ZBTB10: variants seen among roughly 807,000 people sequenced by gnomAD.
The protein encoded by ZBTB10 is zinc finger and BTB domain containing 10.
A neutral mutation model predicts 76.4 loss-of-function variants in ZBTB10; 32 were observed. That is an observed-to-expected ratio of 0.42 (90% confidence interval 0.32 to 0.56). The LOEUF is 0.56. Ranked by LOEUF, ZBTB10 falls within the 20% of genes least tolerant of loss-of-function variation. ZBTB10 has a pLI of 0.14. For synonymous variants in ZBTB10, 523 were observed against 432.9 expected, an observed-to-expected ratio of 1.21 and a Z score of -2.58; for missense variants, 1,057 against 1,098.5, an observed-to-expected ratio of 0.96 and a Z score of 0.53.
At chr8:80,517,202 CTG>C (rs1816345270) in intron 3 of ZBTB10, among the ~76,000 whole-genome samples, 1 of 152,122 alleles carries the variant, frequency 6.6e-6, no homozygotes, top group Admixed American at 6.5e-5. Context: ...TTTAAAGAAT[CTG>C]TGATTTCTCT....
rs1486815997 is a variant in ZBTB10 at position 80,486,365 on chromosome 8, G to C, written c.-446G>C. On this transcript the variant is annotated 5_prime_UTR_variant, in exon 1 of 6. Transcript: ENST00000455036. ...CCTGCGAAGCCGGCGGCGGCGTCGG[G>C]ACTCCTCGGCGCGCGGAGGAAGGAT... 1.3e-5 allele frequency: 13 copies of C among 990,432 alleles called. No individual in the cohort carries two copies. The African/African-American group carries it at 1.8e-4, about 13-fold the overall frequency. 61.4% of individuals were successfully genotyped at this position (990,432 alleles called of 1,614,324 possible). A position where few individuals can be genotyped will look rare whatever the true frequency, so the allele number is the denominator to read the frequency against.
chr8:80,494,867 A>G (rs1815739481), intron 1 of ZBTB10, among the ~76,000 whole-genome samples: 1 of 151,538 alleles, frequency 6.6e-6, no homozygotes, highest in Non-Finnish European at 1.5e-5. Flanking sequence ...TGAGGGTACA[A>G]TAAGCCATGA....
At chr8:80,488,395 A>T (rs1815538872) in intron 1 of ZBTB10, among the ~76,000 whole-genome samples, 1 of 152,222 alleles carries the variant, frequency 6.6e-6, no homozygotes, top group Non-Finnish European at 1.5e-5. Context: ...GAACTTTCTT[A>T]CTACGGCTTG....
chr8:80,505,857 A>G (rs1195362745), intron 2 of ZBTB10, among the ~76,000 whole-genome samples: 4 of 151,318 alleles, frequency 2.6e-5, no homozygotes, highest in African/African-American at 7.3e-5. Flanking sequence ...ACTCTCCCGC[A>G]ATCAGCCACA....
chr8:80,519,541 A>C lies in ZBTB10; in HGVS notation c.*13A>C, dbSNP rs1165590620. Reference sequence around the variant, plus strand: ...TCTAGATGATTAACTGACCTACTATACTCCTCAAGGATGCTGCATTTGGAC... The same window carrying C: ...TCTAGATGATTAACTGACCTACTATCCTCCTCAAGGATGCTGCATTTGGAC... On this transcript the variant is annotated 3_prime_UTR_variant, in exon 6 of 6. Coordinates refer to ENST00000455036, the MANE Select transcript of ZBTB10 (RefSeq NM_001105539.3). 9.4e-6 allele frequency: 15 copies of C among 1,597,770 alleles called. No homozygotes were observed. Among genetic ancestry groups the C allele is most frequent in the Non-Finnish European group, 1.3e-5 (15 of 1,171,412 alleles).
chr8:80,492,062 C>T lies in ZBTB10; in HGVS notation c.972+4280C>T, dbSNP rs6473232. 1.6e-4 allele frequency among the ~76,000 whole-genome samples: 25 copies of T among 152,166 alleles called. No individual in the cohort carries two copies. In the South Asian group the frequency reaches 4.8e-3, roughly 29 times the overall value. Reference sequence around the variant, plus strand: ...GGGCGGAAGGTTGGTTGGTTGGTTACTTGGTTGGTTTTTAACACTTTAGGA... The same window carrying T: ...GGGCGGAAGGTTGGTTGGTTGGTTATTTGGTTGGTTTTTAACACTTTAGGA... On this transcript the variant is annotated intron_variant, in intron 1 of 5. Coordinates refer to ENST00000455036, the MANE Select transcript of ZBTB10 (RefSeq NM_001105539.3).
intron 1 of ZBTB10, among the ~76,000 whole-genome samples, chr8:80,491,337 G>A (rs750585022): frequency 8.5e-5 from 13 of 152,204 alleles, no homozygotes; most frequent in Non-Finnish European, 1.9e-4. Flanking sequence ...TAGCCTAGGT[G>A]TGTAGTAGGT....
At chr8:80,507,539 C>G (rs981774331) in intron 2 of ZBTB10, among the ~76,000 whole-genome samples, 2 of 151,840 alleles carry the variant, frequency 1.3e-5, no homozygotes, top group Non-Finnish European at 2.9e-5. Context: ...GGCTTGAACC[C>G]GGGAGCAGAG....
In ZBTB10 at chr8:80,486,240, C is replaced by T; in HGVS notation, c.-571C>T. 9.7e-7 allele frequency: 1 copy of T among 1,036,030 alleles called. No individual in the cohort carries two copies. The allele number at this position is 1,036,030 out of a possible 1,614,324, so 64.2% of individuals were successfully genotyped here. Reference sequence around the variant, plus strand: ...GTCCGTTGTTCATTTGCCATTCGACCTCCGCCAGGGCCTGGTCGGACGGAA... The same window carrying T: ...GTCCGTTGTTCATTTGCCATTCGACTTCCGCCAGGGCCTGGTCGGACGGAA... On this transcript the variant is annotated 5_prime_UTR_variant, in exon 1 of 6. Coordinates refer to ENST00000455036, the MANE Select transcript of ZBTB10 (RefSeq NM_001105539.3).
intron 2 of ZBTB10, among the ~76,000 whole-genome samples, chr8:80,507,959 A>G (rs1816101364): frequency 6.6e-6 from 1 of 152,184 alleles, no homozygotes; most frequent in African/African-American, 2.4e-5. Flanking sequence ...ACTAATGCAT[A>G]AGAATCTTCA....
chr8:80,487,787 A>AGT lies in ZBTB10; in HGVS notation c.972+6_972+7dup. On this transcript the variant is annotated splice_donor_region_variant and intron_variant, in intron 1 of 5. Coordinates refer to ENST00000455036, the MANE Select transcript of ZBTB10 (RefSeq NM_001105539.3). ...CTCCACGAAGCCAACGCCCAGGTAC[A>AGT]GTATATCCTGCTCCTACTTTTTTGA... The AGT allele has an allele frequency of 6.4e-7, 1 of 1,570,446 alleles. No homozygotes were observed. Among genetic ancestry groups the AGT allele is most frequent in the Non-Finnish European group, 8.6e-7 (1 of 1,159,570 alleles).
At chr8:80,507,957 A>G (rs1816101294) in intron 2 of ZBTB10, among the ~76,000 whole-genome samples, 1 of 152,220 alleles carries the variant, frequency 6.6e-6, no homozygotes, top group African/African-American at 2.4e-5. Flanking sequence ...ATACTAATGC[A>G]TAAGAATCTT....
intron 2 of ZBTB10, among the ~76,000 whole-genome samples, chr8:80,511,983 A>G (rs1220284018): frequency 6.6e-6 from 1 of 152,146 alleles, no homozygotes; most frequent in Non-Finnish European, 1.5e-5. Context: ...ATAGTATCCT[A>G]TCTAGCTATT....
In ZBTB10 at chr8:80,523,313, TAA is replaced by T. The variant is rs1440634245; in HGVS notation, c.*3786_*3787del. The T allele has an allele frequency of 1.3e-5, 2 of 151,974 alleles. No homozygotes were observed. The highest frequency in any genetic ancestry group is 2.4e-5 in the African/African-American group (1 of 41,426). 9.4% of individuals were successfully genotyped at this position (151,974 alleles called of 1,614,324 possible). ...GAGTCTATGGATTATATTTTTCCTATAAGACAGCTGTGTTTAGAATTTTGAGT... is the reference window on the plus strand; with the variant it reads ...GAGTCTATGGATTATATTTTTCCTATGACAGCTGTGTTTAGAATTTTGAGT... On this transcript the variant is annotated 3_prime_UTR_variant, in exon 6 of 6. Coordinates refer to ENST00000455036, the MANE Select transcript of ZBTB10 (RefSeq NM_001105539.3).
At position 80,486,735 on chromosome 8, in the gene ZBTB10, G is replaced by C. The variant is rs1178995509; in HGVS notation, c.-76G>C. 1 of 1,012,574 alleles carries C rather than the reference G, an allele frequency of 9.9e-7. No homozygotes were observed. The highest frequency in any genetic ancestry group is 1.7e-5 in the African/African-American group (1 of 57,216). 62.7% of individuals were successfully genotyped at this position (1,012,574 alleles called of 1,614,324 possible). A position where few individuals can be genotyped will look rare whatever the true frequency, so the allele number is the denominator to read the frequency against. On this transcript the variant is annotated 5_prime_UTR_variant, in exon 1 of 6. Transcript: ENST00000455036. The stretch of plus-strand genomic sequence containing the variant: ...GCGGGGGCGAGACAGAGGGGGAGCC[G>C]CGGGGAGCGCGCGGGACGCGGCCCG...
intron 1 of ZBTB10, among the ~76,000 whole-genome samples, chr8:80,496,153 C>G (rs1050205704): frequency 2.6e-5 from 4 of 152,110 alleles, no homozygotes; most frequent in Non-Finnish European, 5.9e-5. Context: ...GGCAAAGATA[C>G]CTGGAGTTAT....
chr8:80,510,644 GT>G (rs374552870), intron 2 of ZBTB10, among the ~76,000 whole-genome samples: 16,482 of 92,772 alleles, frequency 0.18, 1,039 homozygotes, highest in Middle Eastern at 0.24. Context: ...AAACCAGTGT[GT>G]GTGTGTGTGT....
chr8:80,494,922 CAAAAAA>C (rs35629668), intron 1 of ZBTB10, among the ~76,000 whole-genome samples: 1 of 105,216 alleles, frequency 9.5e-6, no homozygotes, highest in African/African-American at 3.0e-5. Context: ...GACACTGTCT[CAAAAAA>C]AAAAAAAAAA....
intron 2 of ZBTB10, among the ~76,000 whole-genome samples, chr8:80,507,408 C>T (rs1330933970): frequency 1.2e-4 from 18 of 151,902 alleles, no homozygotes; most frequent in Non-Finnish European, 7.4e-5. Context: ...GTCAGGAGAT[C>T]GAGACCATCC....
Sources: allele counts gnomAD v4.1 joint callset (sites outside exome capture counted in the v4.1 genomes callset), GRCh38; gene constraint gnomAD v4.1.1; transcripts MANE v1.5; gene names NCBI Gene and HGNC (gene_info 2026-07-23, HGNC 2026-07-21).